The following CBY2 variants were observed in gnomAD, a reference collection of about 807,000 sequenced individuals.
CBY2 encodes protein chibby homolog 2.
CBY2 carries 23 observed loss-of-function variants against 25.3 expected under a neutral mutation model. That is an observed-to-expected ratio of 0.91 (90% CI 0.65 to 1.29). The LOEUF (loss-of-function observed/expected upper bound fraction) is 1.29, where lower values mean the gene tolerates loss of function less well. CBY2 is among the 50% of genes most tolerant of loss of function. The pLI is 0.00. For synonymous variants in CBY2, 279 were observed against 260.2 expected, an observed-to-expected ratio of 1.07 and a Z score of -0.70; for missense variants, 642 against 590.7, an observed-to-expected ratio of 1.09 and a Z score of -0.90.
chr13:45,712,135 A>G (rs1390770013), intron 2 of CBY2, among the ~76,000 whole-genome samples: 1 of 152,220 alleles, frequency 6.6e-6, no homozygotes, highest in Non-Finnish European at 1.5e-5. Flanking sequence ...TGCTCATGCT[A>G]AGTGTGAGTA....
rs750804279 is a variant in CBY2 at position 45,713,625 on chromosome 13, G to C, written c.600G>C (p.Trp200Cys). 4.1e-5 allele frequency: 66 copies of C among 1,613,564 alleles called. No individual in the cohort carries two copies. The highest frequency in any genetic ancestry group is 2.8e-5 in the Non-Finnish European group (33 of 1,179,848). Residue 200 changes from tryptophan (W) to cysteine (C), a missense_variant, in exon 3 of 3, where the codon TGG (tryptophan) becomes TGC (cysteine). Trp to Cys is a radical substitution (Grantham distance 215). Coordinates refer to ENST00000310521, the MANE Select transcript of CBY2 (RefSeq NM_152719.3). The surrounding 1 kb of genome is among the most constrained non-coding windows in gnomAD (Gnocchi z 5.0). Reference protein sequence around the residue: ...SKENKILQVFWEEHKASLGRE... With the variant: ...SKENKILQVFCEEHKASLGRE... ...AGAACAAGATCCTACAGGTCTTCTG[G>C]GAGGAGCACAAGGCCTCGCTGGGCC...
intron 2 of CBY2, among the ~76,000 whole-genome samples, chr13:45,706,688 G>A (rs933655574): frequency 2.6e-5 from 4 of 152,144 alleles, no homozygotes; most frequent in African/African-American, 4.8e-5. Flanking sequence ...CCAGGCTTAG[G>A]AGAACATTAC....
At position 45,705,677 on chromosome 13, in the gene CBY2, G is replaced by A. The variant is rs141232921; in HGVS notation, c.156+2822G>A. On this transcript the variant is annotated intron_variant, in intron 2 of 2. Coordinates refer to ENST00000310521, the MANE Select transcript of CBY2 (RefSeq NM_152719.3). The stretch of plus-strand genomic sequence containing the variant: ...ATTTATTAAAACCACCATTGACTTT[G>A]CCATGGTACCAGGGAGCTGAATTAA... Among the ~76,000 whole-genome samples, 99 of 152,294 alleles carry A rather than the reference G, an allele frequency of 6.5e-4. 1 individual carries two copies. Among genetic ancestry groups the A allele is most frequent in the African/African-American group, 1.9e-3 (78 of 41,546 alleles).
chr13:45,713,147 T>G lies in CBY2; in HGVS notation c.157-35T>G. On this transcript the variant is annotated intron_variant, in intron 2 of 2. Transcript: ENST00000310521. The surrounding 1 kb of genome is among the most constrained non-coding windows in gnomAD (Gnocchi z 5.0). ...GCCAGCCCCAAGTGTGTCAGTCCCA[T>G]CGTTAACGCTGGGCTTTCCCATTCT... 1 of 1,509,514 alleles carries G rather than the reference T, an allele frequency of 6.6e-7. No individual in the cohort carries two copies. The highest frequency in any genetic ancestry group is 9.0e-7 in the Non-Finnish European group (1 of 1,105,076). The allele number at this position is 1,509,514 out of a possible 1,614,324, so 93.5% of individuals were successfully genotyped here. A position where few individuals can be genotyped will look rare whatever the true frequency, so the allele number is the denominator to read the frequency against.
chr13:45,713,597 A>C lies in CBY2; in HGVS notation c.572A>C (p.Lys191Thr). Residue 191 changes from lysine to threonine, a missense_variant, in exon 3 of 3, where the codon AAG becomes ACG. Lys to Thr is a moderately conservative substitution (Grantham distance 78). Coordinates refer to ENST00000310521, the MANE Select transcript of CBY2 (RefSeq NM_152719.3). The surrounding 1 kb of genome is among the most constrained non-coding windows in gnomAD (Gnocchi z 5.0). ...CGCGAGGAGAACCGGATGCTCAGCA[A>C]GGAGAACAAGATCCTACAGGTCTTC... ...ALREENRMLS[K>T]ENKILQVFWE... is the part of the protein sequence containing the mutation. 6.2e-7 allele frequency: 1 copy of C among 1,613,996 alleles called. No individual in the cohort carries two copies. The highest frequency in any genetic ancestry group is 8.5e-7 in the Non-Finnish European group (1 of 1,179,980).
chr13:45,705,757 C>G (rs1028724072), intron 2 of CBY2, among the ~76,000 whole-genome samples: 1 of 152,156 alleles, frequency 6.6e-6, no homozygotes, highest in African/African-American at 2.4e-5. Flanking sequence ...AAATCAGTAT[C>G]ATATTTGGCT....
Position 45,714,172 on chromosome 13 carries a change from C to G in CBY2, c.1147C>G (p.Leu383Val). Residue 383 changes from leucine (L) to valine (V), a missense_variant, in exon 3 of 3, where the codon CTG becomes GTG. By Grantham distance (32) the Leu-to-Val change is conservative (BLOSUM62 1). Transcript: ENST00000310521. The stretch of plus-strand genomic sequence containing the variant: ...GCTCCTGCAGGAGGAGAACAGGACC[C>G]TGCAGGTGCTACGGGCAGAGCACAG... ...NRLLQEENRTLQVLRAEHRGF... is the reference protein window; with the variant it reads ...NRLLQEENRTVQVLRAEHRGF... 2 of 1,609,952 alleles carry G rather than the reference C, an allele frequency of 1.2e-6. No individual in the cohort carries two copies. Among genetic ancestry groups the G allele is most frequent in the Non-Finnish European group, 1.7e-6 (2 of 1,178,804 alleles).
intron 2 of CBY2, chr13:45,703,652 T>A: frequency 7.3e-7 from 1 of 1,365,564 alleles, no homozygotes; most frequent in Non-Finnish European, 1.0e-6. Context: ...CTGGTGGGCA[T>A]TCCATATATA....
At position 45,713,351 on chromosome 13, in the gene CBY2, A is replaced by G; in HGVS notation, c.326A>G (p.Gln109Arg). ...PLDPMERPMS[Q>R]ADLELDYNPP... ...GACCCCATGGAGCGCCCCATGTCCC[A>G]GGCCGACCTGGAGCTGGACTACAAC... is the stretch of plus-strand genomic sequence containing the variant. Residue 109 changes from glutamine to arginine, a missense_variant, in exon 3 of 3, where the codon CAG (glutamine) becomes CGG (arginine). Gln to Arg is a conservative substitution (Grantham distance 43). Coordinates refer to ENST00000310521, the MANE Select transcript of CBY2 (RefSeq NM_152719.3). The surrounding 1 kb of genome is among the most constrained non-coding windows in gnomAD (Gnocchi z 5.0). 2 of 1,614,170 alleles carry G rather than the reference A, an allele frequency of 1.2e-6. No individual in the cohort carries two copies. Among genetic ancestry groups the G allele is most frequent in the Non-Finnish European group, 1.7e-6 (2 of 1,180,022 alleles).
intron 2 of CBY2, among the ~76,000 whole-genome samples, chr13:45,710,367 C>G (rs1475884323): frequency 6.6e-6 from 1 of 152,070 alleles, no homozygotes; most frequent in Non-Finnish European, 1.5e-5. Flanking sequence ...TACTAAAATA[C>G]AAAAAATTAG....
At chr13:45,708,300 C>A (rs145427707) in intron 2 of CBY2, among the ~76,000 whole-genome samples, 1 of 152,330 alleles carries the variant, frequency 6.6e-6, no homozygotes, top group Non-Finnish European at 1.5e-5. Context: ...GAGATGTTAT[C>A]ATTTCTAGTC....
chr13:45,706,079 GA>G (rs1950238104), intron 2 of CBY2, among the ~76,000 whole-genome samples: 2 of 152,238 alleles, frequency 1.3e-5, no homozygotes, highest in Non-Finnish European at 2.9e-5. Context: ...GTCCCACCCA[GA>G]GAGACCTGTT....
chr13:45,702,844 G>A lies in CBY2; in HGVS notation c.145G>A (p.Val49Ile). Reference protein sequence around the residue: ...SESLEIPISVVLPQRGTAEPF... With the variant: ...SESLEIPISVILPQRGTAEPF... Reference sequence around the variant, plus strand: ...AAGCCTAGAAATTCCAATCAGTGTGGTTCTACCTCAGGTAGGGATAATCAC... The same window carrying A: ...AAGCCTAGAAATTCCAATCAGTGTGATTCTACCTCAGGTAGGGATAATCAC... The change falls in exon 2 of 3, where the codon GTT becomes ATT. Residue 49 changes from valine (V) to isoleucine (I), a missense_variant. Val to Ile is a conservative substitution (Grantham distance 29). Coordinates refer to ENST00000310521, the MANE Select transcript of CBY2 (RefSeq NM_152719.3). The A allele has an allele frequency of 6.2e-7, 1 of 1,612,680 alleles. No homozygotes were observed. The highest frequency in any genetic ancestry group is 8.5e-7 in the Non-Finnish European group (1 of 1,178,712).
chr13:45,706,299 G>C (rs1346198175), intron 2 of CBY2, among the ~76,000 whole-genome samples: 1 of 152,182 alleles, frequency 6.6e-6, no homozygotes, highest in Non-Finnish European at 1.5e-5. Context: ...TATTTACCAA[G>C]GAGGGCACCA....
At position 45,713,899 on chromosome 13, in the gene CBY2, T is replaced by G. The variant is rs1950293462; in HGVS notation, c.874T>G (p.Cys292Gly). Reference sequence around the variant, plus strand: ...CGCCCCCTCACCCCACGAGGAGCCCTGCAGCCCCGGGCTGCTGCAGGACCA... The same window carrying G: ...CGCCCCCTCACCCCACGAGGAGCCCGGCAGCCCCGGGCTGCTGCAGGACCA... ...KPAPSPHEEP[C>G]SPGLLQDQGS... is the part of the protein sequence containing the mutation. Residue 292 changes from cysteine to glycine, a missense_variant, in exon 3 of 3, where the codon TGC becomes GGC. By Grantham distance (159) the Cys-to-Gly change is radical (BLOSUM62 -3). Coordinates refer to ENST00000310521, the MANE Select transcript of CBY2 (RefSeq NM_152719.3). This position sits in a 1 kb window ranked among gnomAD's most constrained non-coding sequence, Gnocchi z 5.0. 2.0e-6 allele frequency: 3 copies of G among 1,534,092 alleles called. No individual in the cohort carries two copies. The highest frequency in any genetic ancestry group is 2.6e-6 in the Non-Finnish European group (3 of 1,145,188).
chr13:45,704,148 T>C lies in CBY2; in HGVS notation c.156+1293T>C, dbSNP rs1950227159. ...TGGGTGTGAAGGAGGGGGTAGGATT[T>C]GAAAGAGTAGTGGTCATGTGATAGA... On this transcript the variant is annotated intron_variant, in intron 2 of 2. Transcript: ENST00000310521. The surrounding 1 kb of genome is among the most constrained non-coding windows in gnomAD (Gnocchi z 4.1). Among the ~76,000 whole-genome samples, 1 of 152,080 alleles carries C rather than the reference T, an allele frequency of 6.6e-6. No individual in the cohort carries two copies. Among genetic ancestry groups the C allele is most frequent in the South Asian group, 2.1e-4 (1 of 4,814 alleles).
At chr13:45,703,674 A>G in intron 2 of CBY2, 1 of 1,231,248 alleles carries the variant, frequency 8.1e-7, no homozygotes, top group Non-Finnish European at 1.2e-6. Flanking sequence ...AATTGTAACA[A>G]TCTAGGCAAG....
intron 2 of CBY2, among the ~76,000 whole-genome samples, chr13:45,712,698 A>C (rs1950277754): frequency 1.3e-5 from 2 of 152,128 alleles, no homozygotes; most frequent in South Asian, 4.2e-4. Flanking sequence ...TGCTGTTAAA[A>C]ATGGCTTCTG....
intron 2 of CBY2, 50 bp downstream of exon 2, chr13:45,702,905 C>G (rs778108352): frequency 4.3e-6 from 6 of 1,380,368 alleles, no homozygotes; most frequent in East Asian, 4.6e-5. Flanking sequence ...GCCAGAATAA[C>G]CCCCCATCTC....
Sources: allele counts gnomAD v4.1 joint callset (sites outside exome capture counted in the v4.1 genomes callset), GRCh38; gene constraint gnomAD v4.1.1; non-coding constraint Gnocchi (gnomAD v3.1); transcripts MANE v1.5; gene names NCBI Gene and HGNC (gene_info 2026-07-23, HGNC 2026-07-21).